SHANK2: variants seen among roughly 807,000 people sequenced by gnomAD.
SHANK2 encodes the protein SH3 and multiple ankyrin repeat domains 2, also known as SH3 and multiple ankyrin repeat domains protein 2.
SHANK2 carries 43 observed loss-of-function variants against 133.7 expected under a neutral mutation model. The ratio of observed to expected loss-of-function variants is 0.32; its 90% confidence interval spans 0.25 to 0.41. SHANK2 has a LOEUF of 0.41. Among genes scored for constraint, SHANK2 ranks in the 10% least tolerant of loss-of-function variants. The probability of loss-of-function intolerance (pLI) is 1.00; values close to 1 mark genes in which losing one functional copy is unlikely to be tolerated. For missense variants in SHANK2, 1,994 were observed against 2,235.8 expected (o/e 0.89, Z 2.18); for synonymous variants, 1,017 against 952.8 (o/e 1.07, Z -1.24).
At chr11:70,745,587 T>A (rs1946621828) in intron 14 of SHANK2, among the ~76,000 whole-genome samples, 1 of 152,126 alleles carries the variant, frequency 6.6e-6, no homozygotes, top group South Asian at 2.1e-4. Flanking sequence ...TGGCCTGGCC[T>A]GAGGTAAGCC....
chr11:70,572,691 A>G (rs1235680885), intron 17 of SHANK2, among the ~76,000 whole-genome samples: 1 of 152,178 alleles, frequency 6.6e-6, no homozygotes, highest in Non-Finnish European at 1.5e-5. Flanking sequence ...GGGAAATGTG[A>G]GCTAAAGTCA....
At chr11:71,157,341 C>T (rs1448099165) in intron 2 of SHANK2, among the ~76,000 whole-genome samples, 1 of 152,224 alleles carries the variant, frequency 6.6e-6, no homozygotes, top group East Asian at 1.9e-4. Context: ...AGATGAATTG[C>T]AATGCCTCAC....
At position 71,175,506 on chromosome 11, in the gene SHANK2, G is replaced by A. The variant is rs914257739; in HGVS notation, c.-12-28168C>T. 1.3e-5 allele frequency among the ~76,000 whole-genome samples: 2 copies of A among 149,106 alleles called. No individual in the cohort carries two copies. Among genetic ancestry groups the A allele is most frequent in the Non-Finnish European group, 3.0e-5 (2 of 67,542 alleles). Reference sequence around the variant, plus strand: ...AAGAGAAGTGGGGACAAAAAAGGCAGAGGGGCAGAAACAGACAGACAGACA... The same window carrying A: ...AAGAGAAGTGGGGACAAAAAAGGCAAAGGGGCAGAAACAGACAGACAGACA... On this transcript the variant is annotated intron_variant, in intron 2 of 25. Transcript: ENST00000601538. This position sits in a 1 kb window ranked among gnomAD's most constrained non-coding sequence, Gnocchi z 4.2.
At position 70,576,562 on chromosome 11, in the gene SHANK2, G is replaced by A. The variant is rs563584494; in HGVS notation, c.2062-73631C>T. 1.1e-4 allele frequency among the ~76,000 whole-genome samples: 16 copies of A among 152,246 alleles called. No individual in the cohort carries two copies. In the East Asian group the frequency reaches 1.5e-3, roughly 15 times the overall value. ...TGAGGCAGGAGAATGGCATGAACCC[G>A]GGAGGCGGAGCTTGCAGTGAGCCGA... On this transcript the variant is annotated intron_variant, in intron 17 of 25. Coordinates refer to ENST00000601538, the MANE Select transcript of SHANK2 (RefSeq NM_012309.5).
intron 10 of SHANK2, among the ~76,000 whole-genome samples, chr11:70,955,099 A>C (rs1052029864): frequency 6.6e-6 from 1 of 152,166 alleles, no homozygotes; most frequent in African/African-American, 2.4e-5. Context: ...TTCCCTGCCC[A>C]TATTAAATTT....
At chr11:71,084,129 G>A (rs1951344962) in intron 8 of SHANK2, among the ~76,000 whole-genome samples, 1 of 151,970 alleles carries the variant, frequency 6.6e-6, no homozygotes, top group African/African-American at 2.4e-5. Context: ...GCCATCACTT[G>A]CTGCTAATTT....
intron 10 of SHANK2, among the ~76,000 whole-genome samples, chr11:70,946,790 A>T (rs1176198562): frequency 7.3e-3 from 690 of 94,082 alleles, no homozygotes; most frequent in African/African-American, 0.018. Context: ...CTCTCTCTCC[A>T]CTAACCAACC....
intron 4 of SHANK2, among the ~76,000 whole-genome samples, chr11:71,115,900 A>G (rs1361119279): frequency 6.6e-6 from 1 of 152,168 alleles, no homozygotes; most frequent in Non-Finnish European, 1.5e-5. Flanking sequence ...TGTGCCAGAA[A>G]AGTGTGTGGT....
intron 2 of SHANK2, among the ~76,000 whole-genome samples, chr11:71,152,349 A>G (rs1450161719): frequency 1.3e-5 from 2 of 152,152 alleles, no homozygotes; most frequent in Non-Finnish European, 2.9e-5. Context: ...CCTGACCTCA[A>G]GTGATCCACC....
chr11:70,818,956 C>T (rs139914850), intron 12 of SHANK2, among the ~76,000 whole-genome samples: 232 of 152,326 alleles, frequency 1.5e-3, no homozygotes, highest in African/African-American at 5.0e-3. Context: ...CAGGTGGAGC[C>T]CCTGGGGGCA....
At chr11:71,141,167 C>T (rs1344946860) in intron 3 of SHANK2, among the ~76,000 whole-genome samples, 8 of 152,180 alleles carry the variant, frequency 5.3e-5, no homozygotes, top group Non-Finnish European at 7.3e-5. Context: ...TTTGAGTGTA[C>T]GGGACACATG....
intron 13 of SHANK2, among the ~76,000 whole-genome samples, chr11:70,802,153 TAGAA>T (rs1948060137): frequency 6.6e-6 from 1 of 152,096 alleles, no homozygotes; most frequent in South Asian, 2.1e-4. Context: ...GAAACCTGGC[TAGAA>T]AGAAGGTTCA....
chr11:71,069,079 C>T (rs1951107323), intron 9 of SHANK2, among the ~76,000 whole-genome samples: 2 of 150,704 alleles, frequency 1.3e-5, no homozygotes, highest in South Asian at 2.1e-4. Context: ...ATCACCACCA[C>T]CACCACCATC....
chr11:70,871,366 A>G (rs1949459079), intron 11 of SHANK2, among the ~76,000 whole-genome samples: 1 of 152,212 alleles, frequency 6.6e-6, no homozygotes, highest in Admixed American at 6.5e-5. Context: ...CTGGCACCAT[A>G]GGAGCAGGGC....
chr11:70,894,878 T>C lies in SHANK2; in HGVS notation c.1174+1623A>G, dbSNP rs78576841. Among the ~76,000 whole-genome samples the C allele has an allele frequency of 4.5e-3, 678 of 152,290 alleles. 4 individuals carry two copies. The highest frequency in any genetic ancestry group is 0.016 in the African/African-American group (656 of 41,572). Reference sequence around the variant, plus strand: ...GTCCCACTCCCTTCACAGCAGCCGATATTTTTAGCTCTCAAACCAAAGCTA... The same window carrying C: ...GTCCCACTCCCTTCACAGCAGCCGACATTTTTAGCTCTCAAACCAAAGCTA... On this transcript the variant is annotated intron_variant, in intron 11 of 25. Transcript: ENST00000601538.
chr11:70,556,741 G>A (rs1223675028), intron 17 of SHANK2, among the ~76,000 whole-genome samples: 1 of 151,972 alleles, frequency 6.6e-6, no homozygotes, highest in Non-Finnish European at 1.5e-5. Flanking sequence ...ACAGGCATGT[G>A]CTACCACGTC....
At chr11:71,218,202 A>G (rs964259082) in intron 2 of SHANK2, among the ~76,000 whole-genome samples, 5 of 152,100 alleles carry the variant, frequency 3.3e-5, no homozygotes, top group Non-Finnish European at 7.4e-5. Flanking sequence ...ATAAAATAAA[A>G]AAGTTACAGT....
At chr11:70,747,962 T>C (rs1946678145) in intron 14 of SHANK2, among the ~76,000 whole-genome samples, 1 of 152,138 alleles carries the variant, frequency 6.6e-6, no homozygotes, top group East Asian at 1.9e-4. Flanking sequence ...ATAATAAATA[T>C]TAGACGAAAA....
At chr11:70,648,781 C>T (rs1395718178) in intron 17 of SHANK2, among the ~76,000 whole-genome samples, 2 of 152,098 alleles carry the variant, frequency 1.3e-5, no homozygotes, top group Non-Finnish European at 2.9e-5. Context: ...GGAAGGAGAC[C>T]CTTGTCCAAG....
Sources: gnomAD v4.1 joint callset for allele counts (sites outside exome capture counted in the v4.1 genomes callset) on GRCh38, gnomAD v4.1.1 for gene constraint, Gnocchi (gnomAD v3.1) non-coding constraint, MANE v1.5 for transcripts, NCBI Gene and HGNC (gene_info 2026-07-23, HGNC 2026-07-21) for gene names.